Variants in CD80 observed in about 807,000 individuals in gnomAD.
The protein encoded by CD80 is T-lymphocyte activation antigen CD80.
A neutral mutation model predicts 27.1 loss-of-function variants in CD80; 13 were observed. The ratio of observed to expected loss-of-function variants is 0.48; its 90% CI spans 0.31 to 0.76. The LOEUF (loss-of-function observed/expected upper bound fraction) is 0.76, where lower values mean the gene tolerates loss of function less well. Ranked by LOEUF, CD80 falls within the 30% of genes least tolerant of loss-of-function variation. The probability of loss-of-function intolerance (pLI) is 0.04; values close to 1 mark genes in which losing one functional copy is unlikely to be tolerated. For synonymous variants in CD80, 125 were observed against 125.5 expected (o/e 1.00, Z 0.03); for missense variants, 277 against 347.9 (o/e 0.80, Z 1.62).
At chr3:119,548,877 A>T (rs1384047511) in intron 2 of CD80, among the ~76,000 whole-genome samples, 1 of 152,150 alleles carries the variant, frequency 6.6e-6, no homozygotes, top group Non-Finnish European at 1.5e-5. Flanking sequence ...TCTACTAAAA[A>T]TACAAAAAAA....
Position 119,529,906 on chromosome 3 carries a change from G to C in CD80, c.732C>G (p.Leu244=), listed in dbSNP as rs776235907. 8 of 1,613,832 alleles carry C rather than the reference G, an allele frequency of 5.0e-6. No individual in the cohort carries two copies. In the East Asian group the frequency reaches 1.6e-4, roughly 31 times the overall value. Residue 244 remains leucine, a synonymous_variant, in exon 5 of 7, where the codon CTC becomes CTG. Transcript: ENST00000264246. The part of the protein sequence containing the change: ...TKQEHFPDNL[L]PSWAITLISV... Reference sequence around the variant, plus strand: ...AGATTAAGGTAATGGCCCAGGATGGGAGCAGGTTATCAGGAAAATGCTCTT... The same window carrying C: ...AGATTAAGGTAATGGCCCAGGATGGCAGCAGGTTATCAGGAAAATGCTCTT...
chr3:119,538,309 T>G (rs577188042), intron 3 of CD80, among the ~76,000 whole-genome samples: 2 of 152,226 alleles, frequency 1.3e-5, no homozygotes, highest in African/African-American at 2.4e-5. Context: ...CTTTCTTCTC[T>G]TCTCTTCTTT....
At chr3:119,539,674 C>T (rs1461037031) in intron 3 of CD80, among the ~76,000 whole-genome samples, 2 of 152,154 alleles carry the variant, frequency 1.3e-5, no homozygotes, top group Non-Finnish European at 2.9e-5. Context: ...AGATACCTAG[C>T]GGCTTCGTCA....
chr3:119,535,188 T>C (rs1381105853), intron 4 of CD80, among the ~76,000 whole-genome samples: 2 of 142,218 alleles, frequency 1.4e-5, no homozygotes, highest in Non-Finnish European at 3.1e-5. Flanking sequence ...CGAGACTCCG[T>C]CTCAAAAAAA....
chr3:119,555,739 T>G (rs2670289), intron 2 of CD80, among the ~76,000 whole-genome samples: 34,387 of 152,238 alleles, frequency 0.23, 4,139 homozygotes, highest in East Asian at 0.3. Context: ...ACTTTTCCTC[T>G]TTCCAATGAT....
intron 2 of CD80, among the ~76,000 whole-genome samples, chr3:119,546,145 G>A (rs1001704733): frequency 5.3e-5 from 8 of 152,066 alleles, no homozygotes; most frequent in African/African-American, 1.7e-4. Flanking sequence ...AGATTTAGGA[G>A]CATATGAGCC....
At chr3:119,550,500 C>T (rs572133294) in intron 2 of CD80, among the ~76,000 whole-genome samples, 14 of 152,322 alleles carry the variant, frequency 9.2e-5, no homozygotes, top group Middle Eastern at 3.4e-3. Context: ...GATTCCACCA[C>T]ACAGAGACAG....
At chr3:119,527,070 G>T (rs1298608985) in intron 6 of CD80, among the ~76,000 whole-genome samples, 1 of 152,156 alleles carries the variant, frequency 6.6e-6, no homozygotes, top group African/African-American at 2.4e-5. Context: ...GAGTCATTAA[G>T]ACCAAATCTA....
At position 119,540,219 on chromosome 3, in the gene CD80, G is replaced by C. The variant is rs142506991; in HGVS notation, c.419-2801C>G. On this transcript the variant is annotated intron_variant, in intron 3 of 6. Transcript: ENST00000264246. ...CAGCCTCGGCCTCCCAAAGTGCTGG[G>C]ATTACAGGCGTGAGCCACCACACCC... Among the ~76,000 whole-genome samples, 1,094 of 152,322 alleles carry C rather than the reference G, an allele frequency of 7.2e-3. 9 individuals carry two copies. The highest frequency in any genetic ancestry group is 0.025 in the African/African-American group (1,032 of 41,574).
At chr3:119,558,519 T>C (rs1419536635) in intron 1 of CD80, among the ~76,000 whole-genome samples, 1 of 152,114 alleles carries the variant, frequency 6.6e-6, no homozygotes, top group Non-Finnish European at 1.5e-5. Context: ...TCCCAGCACT[T>C]TGGGAGGCTG....
At chr3:119,537,932 T>G (rs2082148065) in intron 3 of CD80, among the ~76,000 whole-genome samples, 1 of 152,210 alleles carries the variant, frequency 6.6e-6, no homozygotes, top group Admixed American at 6.5e-5. Context: ...TTTGCCACTT[T>G]TGATGGAGAT....
rs2082144580 is a variant in CD80 at position 119,537,279 on chromosome 3, G to A, written c.558C>T (p.Asn186=). The A allele has an allele frequency of 1.2e-6, 2 of 1,614,108 alleles. No individual in the cohort carries two copies. The highest frequency in any genetic ancestry group is 1.7e-6 in the Non-Finnish European group (2 of 1,180,018). ...TTTCAGGATCTTGGGAAACTGTTGT[G>A]TTGATGGCATTTAATTCTTCTCCAT... ...LENGEELNAI[N]TTVSQDPETE... is the part of the protein sequence containing the mutation. The change falls in exon 4 of 7, where the codon AAC becomes AAT. Residue 186 remains asparagine (N), a synonymous_variant. Transcript: ENST00000264246.
intron 2 of CD80, among the ~76,000 whole-genome samples, chr3:119,545,927 T>A (rs771291260): frequency 6.6e-6 from 1 of 152,190 alleles, no homozygotes; most frequent in Non-Finnish European, 1.5e-5. Context: ...CTGAGGAACC[T>A]CAATAGTGTT....
rs78066560 is a variant in CD80, at chr3:119,541,379, G to T, written c.418+3171C>A. 5.5e-3 allele frequency among the ~76,000 whole-genome samples: 832 copies of T among 152,308 alleles called. 6 individuals are homozygous for T. The highest frequency in any genetic ancestry group is 0.019 in the African/African-American group (795 of 41,568). On this transcript the variant is annotated intron_variant, in intron 3 of 6. Coordinates refer to ENST00000264246, the MANE Select transcript of CD80 (RefSeq NM_005191.4). The stretch of plus-strand genomic sequence containing the variant: ...TGCCAGTTAATGGAGGTTTTCATAT[G>T]GCTATGCTGATATTATATTACCATT...
In CD80 at chr3:119,544,365, A is replaced by G. The variant is rs997032495; in HGVS notation, c.418+185T>C. ...GTCAAAGAACAAGAAATGCACATTA[A>G]CAGATATTTCCAGGACATCTTTAGA... is the stretch of plus-strand genomic sequence containing the variant. On this transcript the variant is annotated intron_variant, in intron 3 of 6. Coordinates refer to ENST00000264246, the MANE Select transcript of CD80 (RefSeq NM_005191.4). The G allele has an allele frequency of 5.0e-4, 298 of 600,124 alleles. 2 individuals carry two copies. The highest frequency in any genetic ancestry group is 4.4e-3 in the South Asian group (210 of 48,204). The allele number at this position is 600,124 out of a possible 1,614,324, so 37.2% of individuals were successfully genotyped here. A position where few individuals can be genotyped will look rare whatever the true frequency, so the allele number is the denominator to read the frequency against.
chr3:119,554,567 T>C (rs1444895660), intron 2 of CD80, among the ~76,000 whole-genome samples: 1 of 152,202 alleles, frequency 6.6e-6, no homozygotes, highest in African/African-American at 2.4e-5. Context: ...CCTGGCTGGT[T>C]CCACCCTGTG....
At chr3:119,556,620 G>A (rs2082266287) in intron 2 of CD80, among the ~76,000 whole-genome samples, 1 of 152,076 alleles carries the variant, frequency 6.6e-6, no homozygotes, top group African/African-American at 2.4e-5. Context: ...GACCACCATC[G>A]CAGTCAAGTA....
rs1201938742 is a variant in CD80 at position 119,524,797 on chromosome 3, G to A, written c.*991C>T. On this transcript the variant is annotated 3_prime_UTR_variant, in exon 7 of 7. Coordinates refer to ENST00000264246, the MANE Select transcript of CD80 (RefSeq NM_005191.4). The stretch of plus-strand genomic sequence containing the variant: ...GTTGGCTATGTCTTTCCAGTTCTCT[G>A]CTGATGTCAGAAAGACCCAGAAATA... The A allele has an allele frequency of 6.6e-6, 1 of 152,200 alleles. No homozygotes were observed. Among genetic ancestry groups the A allele is most frequent in the Non-Finnish European group, 1.5e-5 (1 of 68,030 alleles). The allele number at this position is 152,200 out of a possible 1,614,324, so 9.4% of individuals were successfully genotyped here. A position where few individuals can be genotyped will look rare whatever the true frequency, so the allele number is the denominator to read the frequency against.
intron 2 of CD80, among the ~76,000 whole-genome samples, chr3:119,555,011 G>C (rs1391092989): frequency 6.6e-6 from 1 of 152,138 alleles, no homozygotes; most frequent in Non-Finnish European, 1.5e-5. Context: ...GTGTATGGTG[G>C]AGCAGCATCA....
Sources: allele counts gnomAD v4.1 joint callset (sites outside exome capture counted in the v4.1 genomes callset), GRCh38; gene constraint gnomAD v4.1.1; transcripts MANE v1.5; gene names NCBI Gene and HGNC (gene_info 2026-07-23, HGNC 2026-07-21).